AIFM1: variants seen among roughly 807,000 people sequenced by gnomAD.
AIFM1 encodes the protein apoptosis inducing factor mitochondria associated 1.
In AIFM1, 3 loss-of-function variants were observed where a neutral mutation model predicts 51.7. The ratio of observed to expected loss-of-function variants is 0.06; its 90% CI spans 0.03 to 0.15. The LOEUF is 0.15. AIFM1 is among the 10% of genes least tolerant of loss of function. The probability of loss-of-function intolerance (pLI) is 1.00; values close to 1 mark genes in which losing one functional copy is unlikely to be tolerated. For synonymous variants in AIFM1, 178 were observed against 179.4 expected, an observed-to-expected ratio of 0.99 and a Z score of 0.06; for missense variants, 330 against 476.8, an observed-to-expected ratio of 0.69 and a Z score of 2.87.
chrX:130,133,678 G>A (rs1371942085), intron 12 of AIFM1, among the ~76,000 whole-genome samples: 2 of 109,417 alleles, frequency 1.8e-5, no homozygotes, highest in South Asian at 3.9e-4. Context: ...GCCTGGGCTG[G>A]AGTGCAGTGG....
chrX:130,163,456 A>C (rs1275884898), intron 1 of AIFM1, among the ~76,000 whole-genome samples: 1 of 112,196 alleles, frequency 8.9e-6, no homozygotes, highest in Non-Finnish European at 1.9e-5. Flanking sequence ...ATCAAGCCAC[A>C]AAACAGAGTT....
chrX:130,151,108 A>G (rs1357334859), intron 2 of AIFM1, among the ~76,000 whole-genome samples: 2 of 109,992 alleles, frequency 1.8e-5, no homozygotes, highest in Non-Finnish European at 3.8e-5. Context: ...AGGAGAAAGT[A>G]AAGACAATCA....
chrX:130,165,755 C>T lies in AIFM1; in HGVS notation c.-99G>A. 2.9e-6 allele frequency: 2 copies of T among 696,548 alleles called. No homozygotes were observed. Among genetic ancestry groups the T allele is most frequent in the South Asian group, 4.6e-5 (2 of 43,572 alleles). 57.4% of individuals were successfully genotyped at this position (696,548 alleles called of 1,213,427 possible). A position where few individuals can be genotyped will look rare whatever the true frequency, so the allele number is the denominator to read the frequency against. On this transcript the variant is annotated 5_prime_UTR_variant, in exon 1 of 16. An upstream open reading frame in the 5' UTR loses its in-frame stop. Coordinates refer to ENST00000287295, the MANE Select transcript of AIFM1 (RefSeq NM_004208.4). ...CCCCGGCCAGCTCCCCCAGTCTCTT[C>T]ACACGCACATTACGCAGACTCCTCC...
intron 12 of AIFM1, among the ~76,000 whole-genome samples, chrX:130,135,581 T>C (rs1453553978): frequency 9.0e-6 from 1 of 110,716 alleles, no homozygotes; most frequent in Non-Finnish European, 1.9e-5. Flanking sequence ...CTACATACTA[T>C]AGTCTTGTTT....
intron 1 of AIFM1, among the ~76,000 whole-genome samples, chrX:130,162,243 A>G (rs1184360231): frequency 8.9e-6 from 1 of 112,180 alleles, no homozygotes; most frequent in Non-Finnish European, 1.9e-5. Context: ...ACAAATCACA[A>G]GAGACTCCAG....
rs1556260138 is a variant in AIFM1 at position 130,135,428 on chromosome X, C to CTTT, written c.1305+614_1305+616dup. ...AACAGGTTAAAAAGATCCAGTACAT[C>CTTT]TTTTTTTTTTTAAAAAAAAAAAAAA... On this transcript the variant is annotated intron_variant, in intron 12 of 15. Transcript: ENST00000287295. Among the ~76,000 whole-genome samples, 232 of 54,673 alleles carry CTTT rather than the reference C, an allele frequency of 4.2e-3. 1 individual carries two copies. Among genetic ancestry groups the CTTT allele is most frequent in the African/African-American group, 0.013 (226 of 17,038 alleles). 47.5% of individuals were successfully genotyped at this position (54,673 alleles called of 115,157 possible).
intron 1 of AIFM1, among the ~76,000 whole-genome samples, chrX:130,158,853 A>C (rs1291966920): frequency 9.0e-6 from 1 of 111,452 alleles, no homozygotes; most frequent in African/African-American, 3.3e-5. Context: ...TTTAAAAGAC[A>C]AACAGAATGG....
chrX:130,153,290 T>C (rs1882981289), intron 2 of AIFM1, among the ~76,000 whole-genome samples: 1 of 97,320 alleles, frequency 1.0e-5, no homozygotes, highest in Non-Finnish European at 2.0e-5. Context: ...GAGGCGGACG[T>C]ATCAGTTAGC....
At chrX:130,139,400 TAAG>T (rs1393497209) in intron 8 of AIFM1, among the ~76,000 whole-genome samples, 1 of 111,456 alleles carries the variant, frequency 9.0e-6, no homozygotes, top group Non-Finnish European at 1.9e-5. Flanking sequence ...AGCACAGTGT[TAAG>T]AAGCAGAACA....
chrX:130,137,127 C>T lies in AIFM1; in HGVS notation c.1026G>A (p.Lys342=), dbSNP rs759357929. The part of the protein sequence containing the change: ...QLFPEKGNMG[K]ILPEYLSNWT... ...AGTTGCTGAGGTATTCGGGGAGGAT[C>T]TTTCCCATATTTCCTTTCTCGGGGA... Residue 342 remains lysine (K), a synonymous_variant, in exon 10 of 16, where the codon AAG becomes AAA. Transcript: ENST00000287295. 4.1e-6 allele frequency: 5 copies of T among 1,211,715 alleles called. No homozygotes were observed. The South Asian group carries it at 8.8e-5, about 21-fold the overall frequency.
chrX:130,133,589 G>C, intron 12 of AIFM1, 134 bp from the exon 13 acceptor site: 1 of 850,399 alleles, frequency 1.2e-6, no homozygotes, highest in Non-Finnish European at 1.7e-6. Flanking sequence ...ACAGGCCAGA[G>C]TTGTACTTAA....
chrX:130,159,979 G>A (rs1015138837), intron 1 of AIFM1, among the ~76,000 whole-genome samples: 35 of 109,381 alleles, frequency 3.2e-4, no homozygotes, highest in African/African-American at 5.0e-4. Context: ...AGCCACCAAC[G>A]CCCAGCTAAT....
At chrX:130,149,760 AAT>A (rs1193335638) in intron 2 of AIFM1, among the ~76,000 whole-genome samples, 192 bp from the exon 3 acceptor site, 3 of 112,430 alleles carry the variant, frequency 2.7e-5, no homozygotes, top group African/African-American at 9.7e-5. Context: ...GTATGGAAAA[AAT>A]ATGTGTAAGC....
chrX:130,139,690 A>C (rs995926624), intron 8 of AIFM1, 105 bp downstream of exon 8: 1 of 730,035 alleles, frequency 1.4e-6, no homozygotes, highest in Non-Finnish European at 2.2e-6. Flanking sequence ...GAAGAGCCAT[A>C]AATAGAACTT....
intron 7 of AIFM1, 60 bp from the exon 8 acceptor site, chrX:130,139,931 C>T: frequency 1.0e-6 from 1 of 955,614 alleles, no homozygotes. Flanking sequence ...CCAAACAATA[C>T]TCCCTCCACC....
chrX:130,134,886 C>A (rs981268502), intron 12 of AIFM1, among the ~76,000 whole-genome samples: 1 of 111,390 alleles, frequency 9.0e-6, no homozygotes, highest in Non-Finnish European at 1.9e-5. Flanking sequence ...ATAGAAAATG[C>A]TTACATTTAT....
At chrX:130,146,865 G>A (rs1053175913) in intron 5 of AIFM1, among the ~76,000 whole-genome samples, 5 of 112,222 alleles carry the variant, frequency 4.5e-5, no homozygotes, top group Non-Finnish European at 9.4e-5. Context: ...GTCTAGGCAA[G>A]TATAAAGAAG....
rs763869926 is a variant in AIFM1, at chrX:130,130,354, A to C, written c.1574-188T>G. On this transcript the variant is annotated intron_variant, in intron 14 of 15. Transcript: ENST00000287295. The stretch of plus-strand genomic sequence containing the variant: ...CAGCCCCTCTCCAGTGACAAAGCCA[A>C]GGAAAGGTCTTCCTTGCCAGCTCCT... Among the ~76,000 whole-genome samples, 7 of 111,988 alleles carry C rather than the reference A, an allele frequency of 6.3e-5. No individual in the cohort carries two copies. In the East Asian group the frequency reaches 1.7e-3, roughly 27 times the overall value.
In AIFM1 at chrX:130,165,536, GAA is replaced by G. The variant is rs1569424473; in HGVS notation, c.106+13_106+14del. 8.5e-7 allele frequency: 1 copy of G among 1,175,665 alleles called. No homozygotes were observed. Among genetic ancestry groups the G allele is most frequent in the Non-Finnish European group, 1.1e-6 (1 of 873,709 alleles). On this transcript the variant is annotated intron_variant, in intron 1 of 15. Transcript: ENST00000287295. ...GGCCCTCGGACTTGGAGGTTGCCTG[GAA>G]TGGGTCAGTCACCTGGGAGCCGGTT...
Sources: gnomAD v4.1 joint callset for allele counts (sites outside exome capture counted in the v4.1 genomes callset) on GRCh38, gnomAD v4.1.1 for gene constraint, MANE v1.5 for transcripts, NCBI Gene and HGNC (gene_info 2026-07-23, HGNC 2026-07-21) for gene names.